KHNYN: variants seen among roughly 807,000 people sequenced by gnomAD.
KHNYN encodes the protein protein KHNYN.
KHNYN carries 42 observed loss-of-function variants against 62.7 expected under a neutral mutation model. The observed-to-expected ratio is 0.67, with a 90% confidence interval of 0.52 to 0.87. KHNYN has a LOEUF of 0.87. KHNYN is among the 40% of genes least tolerant of loss of function. KHNYN has a pLI of 0.00. For synonymous variants in KHNYN, 347 were observed against 345.6 expected, an observed-to-expected ratio of 1.00 and a Z score of -0.04; for missense variants, 829 against 874.1, an observed-to-expected ratio of 0.95 and a Z score of 0.65.
At chr14:24,429,755 T>G (rs1313072845), upstream of KHNYN, 1 of 985,112 alleles carries the variant, frequency 1.0e-6, no homozygotes, top group Non-Finnish European at 1.2e-6. Context: ...CTGCGCAGAA[T>G]GCGCGAGGAC....
chr14:24,430,995 A>G (rs2043100986), intron 2 of KHNYN, 64 bp downstream of exon 2: 6 of 1,463,198 alleles, frequency 4.1e-6, no homozygotes, highest in South Asian at 3.8e-5. Context: ...GGCGGAGGAG[A>G]GCAGGGCCGA....
At chr14:24,429,407 G>C (rs1566494525), upstream of KHNYN, 1 of 568,974 alleles carries the variant, frequency 1.8e-6, no homozygotes, top group Admixed American at 2.2e-5. Flanking sequence ...TGGAGAACAT[G>C]GTATGTGTGT....
Position 24,440,075 on chromosome 14 carries a change from C to T in KHNYN, c.*2790C>T, listed in dbSNP as rs1043839. On this transcript the variant is annotated 3_prime_UTR_variant, in exon 8 of 8. Transcript: ENST00000553935. ...AGGAACAGGCCTCAGGCCCTTGCCA[C>T]GACCTACTTAGGCTACAATTTCCTT... 1,392,814 of 1,581,650 alleles carry T rather than the reference C, an allele frequency of 0.88. 619,121 individuals are homozygous for T. Among genetic ancestry groups the T allele is most frequent in the Non-Finnish European group, 0.9 (1,047,493 of 1,159,500 alleles).
rs1280712441 is a variant in KHNYN, at chr14:24,432,591, G to A, written c.1330G>A (p.Gly444Ser). The change falls in exon 3 of 8, where the codon GGC (glycine) becomes AGC (serine). Residue 444 changes from glycine to serine, a missense_variant. Around this residue, in one of 2 missense-constraint regions of KHNYN, gnomAD observed 270 missense variants for 347.1 expected, o/e 0.78. Coordinates refer to ENST00000553935, the MANE Select transcript of KHNYN (RefSeq NM_015299.3). This position sits in a 1 kb window ranked among gnomAD's most constrained non-coding sequence, Gnocchi z 5.6. ...QPDLRHIVID[G>S]SNVAMVHGLQ... Reference sequence around the variant, plus strand: ...AGACCTCCGCCATATTGTCATTGACGGCAGCAACGTGGCCATGGTGTGAGT... The same window carrying A: ...AGACCTCCGCCATATTGTCATTGACAGCAGCAACGTGGCCATGGTGTGAGT... 3.1e-6 allele frequency: 5 copies of A among 1,606,880 alleles called. No homozygotes were observed. The highest frequency in any genetic ancestry group is 4.3e-6 in the Non-Finnish European group (5 of 1,174,726).
At chr14:24,429,504 A>G, upstream of KHNYN, 1 of 459,070 alleles carries the variant, frequency 2.2e-6, no homozygotes, top group Non-Finnish European at 4.2e-6. Flanking sequence ...TCTCTTCAAA[A>G]TCCCCCACAA....
upstream of KHNYN, chr14:24,428,757 G>T: frequency 6.3e-7 from 1 of 1,583,204 alleles, no homozygotes; most frequent in Non-Finnish European, 8.6e-7. Flanking sequence ...GGGATTACCT[G>T]GTCGAAGTAG....
In KHNYN at chr14:24,439,841, T is replaced by TCGGTGGTC; in HGVS notation, c.*2556_*2557insCGGTGGTC. ...CAGCGTAAAGGAGAAGTGGGGCAGC[T>TCGGTGGTC]GCAGGACATGTAGAGAAACCAAACT... is the stretch of plus-strand genomic sequence containing the variant. On this transcript the variant is annotated 3_prime_UTR_variant, in exon 8 of 8. Transcript: ENST00000553935. 1 of 466,830 alleles carries TCGGTGGTC rather than the reference T, an allele frequency of 2.1e-6. No individual in the cohort carries two copies. Among genetic ancestry groups the TCGGTGGTC allele is most frequent in the Non-Finnish European group, 3.8e-6 (1 of 262,700 alleles). The allele number at this position is 466,830 out of a possible 1,614,324, so 28.9% of individuals were successfully genotyped here. A position where few individuals can be genotyped will look rare whatever the true frequency, so the allele number is the denominator to read the frequency against.
In KHNYN at chr14:24,440,803, C is replaced by A. The variant is rs1233972788; in HGVS notation, c.*3518C>A. 4 of 1,613,776 alleles carry A rather than the reference C, an allele frequency of 2.5e-6. No individual in the cohort carries two copies. Among genetic ancestry groups the A allele is most frequent in the Middle Eastern group, 1.6e-4 (1 of 6,084 alleles). On this transcript the variant is annotated 3_prime_UTR_variant, in exon 8 of 8. Coordinates refer to ENST00000553935, the MANE Select transcript of KHNYN (RefSeq NM_015299.3). The stretch of plus-strand genomic sequence containing the variant: ...CTCACCTGAGCGCACCACCACCTGG[C>A]GTGTAGAATCTCCAGGAAGCCTGGC...
rs1432489602 is a variant in KHNYN, at chr14:24,430,839, G to T, written c.109G>T (p.Val37Leu). Residue 37 changes from valine to leucine, a missense_variant, in exon 2 of 8, where the codon GTG becomes TTG. Val to Leu is a conservative substitution (Grantham distance 32). Coordinates refer to ENST00000553935, the MANE Select transcript of KHNYN (RefSeq NM_015299.3). ...GCCCCATGTGGAGCGCATCTTCAGC[G>T]TGGGGGTGAGCGTCCTTCCGAAGGA... is the stretch of plus-strand genomic sequence containing the variant. Reference protein sequence around the residue: ...QQPHVERIFSVGVSVLPKDCP... With the variant: ...QQPHVERIFSLGVSVLPKDCP... 1.9e-6 allele frequency: 3 copies of T among 1,613,428 alleles called. No individual in the cohort carries two copies. The South Asian group carries it at 3.3e-5, about 18-fold the overall frequency.
rs770600888 is a variant in KHNYN at position 24,441,741 on chromosome 14, T to C, written c.*4456T>C. The C allele has an allele frequency of 6.2e-7, 1 of 1,602,322 alleles. No individual in the cohort carries two copies. The highest frequency in any genetic ancestry group is 1.3e-5 in the African/African-American group (1 of 74,112). On this transcript the variant is annotated 3_prime_UTR_variant, in exon 8 of 8. Coordinates refer to ENST00000553935, the MANE Select transcript of KHNYN (RefSeq NM_015299.3). ...CTTTGGTGATGGCTTTAGCCAGCAATTGGGTGGTCTCTAGGCGGCTGCCGA... is the reference window on the plus strand; with the variant it reads ...CTTTGGTGATGGCTTTAGCCAGCAACTGGGTGGTCTCTAGGCGGCTGCCGA...
the KHNYN span, among the ~76,000 whole-genome samples, chr14:24,423,755 A>C: frequency 6.6e-6 from 1 of 152,252 alleles, no homozygotes; most frequent in South Asian, 2.1e-4. Context: ...TGAATCCTTC[A>C]TCAGTGGGAC....
Position 24,441,063 on chromosome 14 carries a change from C to T in KHNYN, c.*3778C>T, listed in dbSNP as rs945147647. ...GGAGACAGAGCCATTTGGATATTTT[C>T]CCCTTGAACTTCTCCATGACCTGAA... is the stretch of plus-strand genomic sequence containing the variant. On this transcript the variant is annotated 3_prime_UTR_variant, in exon 8 of 8. Transcript: ENST00000553935. 4.1e-6 allele frequency: 4 copies of T among 965,234 alleles called. No homozygotes were observed. Among genetic ancestry groups the T allele is most frequent in the Non-Finnish European group, 4.9e-6 (3 of 614,808 alleles). 59.8% of individuals were successfully genotyped at this position (965,234 alleles called of 1,614,324 possible).
chr14:24,429,773 G>A (rs1049499417), upstream of KHNYN: 7 of 985,196 alleles, frequency 7.1e-6, no homozygotes, highest in Non-Finnish European at 8.4e-6. Context: ...GACCCTGAGG[G>A]CCGGGAGACA....
At position 24,433,026 on chromosome 14, in the gene KHNYN, A is replaced by G; in HGVS notation, c.1571A>G (p.Asp524Gly). 3 of 1,613,714 alleles carry G rather than the reference A, an allele frequency of 1.9e-6. No individual in the cohort carries two copies. The highest frequency in any genetic ancestry group is 1.7e-6 in the Non-Finnish European group (2 of 1,179,592). The change falls in exon 5 of 8, where the codon GAT becomes GGT. Residue 524 changes from aspartate (D) to glycine (G), a missense_variant. Coordinates refer to ENST00000553935, the MANE Select transcript of KHNYN (RefSeq NM_015299.3). ...VMDGKRISSY[D>G]DRFMVKLAEE... ...GATGGCAAGAGGATCTCCTCCTATG[A>G]TGACAGGTACTTGCTCCTCTCCTGG...
In KHNYN at chr14:24,431,685, C is replaced by T; in HGVS notation, c.424C>T (p.Leu142=). The part of the protein sequence containing the change: ...QSRVEELAER[L]SWDFTPGPSS... ...CCGGGTAGAAGAGCTGGCAGAGCGGCTGAGCTGGGACTTCACGCCAGGACC... is the reference window on the plus strand; with the variant it reads ...CCGGGTAGAAGAGCTGGCAGAGCGGTTGAGCTGGGACTTCACGCCAGGACC... The change falls in exon 3 of 8, where the codon CTG becomes TTG. Residue 142 remains leucine, a synonymous_variant. Transcript: ENST00000553935. 2 of 1,614,158 alleles carry T rather than the reference C, an allele frequency of 1.2e-6. No homozygotes were observed. Among genetic ancestry groups the T allele is most frequent in the Non-Finnish European group, 8.5e-7 (1 of 1,180,022 alleles).
At chr14:24,433,157 T>C in intron 5 of KHNYN, 125 bp downstream of exon 5, 1 of 847,142 alleles carries the variant, frequency 1.2e-6, no homozygotes, top group Non-Finnish European at 1.9e-6. Context: ...AGGGGCCAGT[T>C]ATTCCTCTGT....
In KHNYN at chr14:24,441,002, G is replaced by T; in HGVS notation, c.*3717G>T. 6.5e-7 allele frequency: 1 copy of T among 1,529,846 alleles called. No homozygotes were observed. Among genetic ancestry groups the T allele is most frequent in the Non-Finnish European group, 9.0e-7 (1 of 1,107,740 alleles). 94.8% of individuals were successfully genotyped at this position (1,529,846 alleles called of 1,614,324 possible). ...CTCTCTGTAGTGGAGGCTCCCCTTG[G>T]CCTCACCTTCTCTGGCCCTTAGGAT... On this transcript the variant is annotated 3_prime_UTR_variant, in exon 8 of 8. Transcript: ENST00000553935.
chr14:24,437,132 C>T lies in KHNYN; in HGVS notation c.1884C>T (p.Gly628=). ...GAGAAGAGGAAAAAGGTAGTGGTGG[C>T]ATTCGGAAGACCCGGGAAACAGAGC... ...QGREEEKGSG[G]IRKTRETERL... is the part of the protein sequence containing the mutation. Residue 628 remains glycine, a synonymous_variant, in exon 8 of 8, where the codon GGC becomes GGT. Coordinates refer to ENST00000553935, the MANE Select transcript of KHNYN (RefSeq NM_015299.3). The surrounding 1 kb of genome is among the most constrained non-coding windows in gnomAD (Gnocchi z 5.5). The T allele has an allele frequency of 6.2e-7, 1 of 1,614,178 alleles. No homozygotes were observed. Among genetic ancestry groups the T allele is most frequent in the South Asian group, 1.1e-5 (1 of 91,080 alleles).
chr14:24,433,105 C>A, intron 5 of KHNYN, 73 bp downstream of exon 5: 1 of 1,372,494 alleles, frequency 7.3e-7, no homozygotes, highest in Non-Finnish European at 1.0e-6. Flanking sequence ...GAGAGAAAAG[C>A]TCCTGGTGGT....
Sources: gnomAD v4.1 joint callset for allele counts (sites outside exome capture counted in the v4.1 genomes callset) on GRCh38, gnomAD v4.1.1 for gene constraint, gnomAD v4.1.1 regional missense constraint, Gnocchi (gnomAD v3.1) non-coding constraint, MANE v1.5 for transcripts, NCBI Gene and HGNC (gene_info 2026-07-23, HGNC 2026-07-21) for gene names.